The following COL17A1 variants were observed in gnomAD, a reference collection of about 807,000 sequenced individuals.
The protein encoded by COL17A1 is collagen alpha-1(XVII) chain.
COL17A1 carries 181 observed loss-of-function variants against 218.4 expected under a neutral mutation model. The ratio of observed to expected loss-of-function variants is 0.83; its 90% CI spans 0.73 to 0.94. COL17A1 has a LOEUF of 0.94. COL17A1 is among the 40% of genes least tolerant of loss of function. COL17A1 has a pLI of 0.00. For synonymous variants in COL17A1, 721 were observed against 731.0 expected (o/e 0.99, Z 0.22); for missense variants, 1,924 against 1,945.9 (o/e 0.99, Z 0.21).
chr10:104,053,462 G>C (rs2086490136), intron 22 of COL17A1, among the ~76,000 whole-genome samples: 1 of 152,156 alleles, frequency 6.6e-6, no homozygotes, highest in Non-Finnish European at 1.5e-5. Flanking sequence ...CAGCTCAGAG[G>C]TCTTCCCCTT....
At position 104,061,399 on chromosome 10, in the gene COL17A1, A is replaced by T. The variant is rs777795265; in HGVS notation, c.979+6T>A. On this transcript the variant is annotated splice_donor_region_variant and intron_variant, in intron 13 of 55. Transcript: ENST00000648076. ...CTGAACCCTGGCAGCTGGGAGCAGC[A>T]CTCACCGGCGGAGGTGGAAACGCCA... 6.2e-7 allele frequency: 1 copy of T among 1,612,946 alleles called. No homozygotes were observed. Among genetic ancestry groups the T allele is most frequent in the Admixed American group, 1.7e-5 (1 of 59,990 alleles).
intron 45 of COL17A1, among the ~76,000 whole-genome samples, 199 bp downstream of exon 45, chr10:104,038,207 T>G (rs565128001): frequency 6.7e-6 from 1 of 150,122 alleles, no homozygotes; most frequent in African/African-American, 2.5e-5. Flanking sequence ...GGGGAAGACC[T>G]GGGCCTGGAC....
At chr10:104,046,408 G>A (rs1242285078) in intron 32 of COL17A1, among the ~76,000 whole-genome samples, 1 of 152,140 alleles carries the variant, frequency 6.6e-6, no homozygotes, top group East Asian at 1.9e-4. Flanking sequence ...CATGCCAGTG[G>A]GGGAACTTGG....
chr10:104,036,188 G>GTA, intron 48 of COL17A1, among the ~76,000 whole-genome samples: 2 of 290 alleles, frequency 6.9e-3, no homozygotes, highest in East Asian at 0.1. Flanking sequence ...ATGGAAGTGA[G>GTA]TGTGTGTGTG....
At chr10:104,080,584 A>C in intron 2 of COL17A1, 38 bp downstream of exon 2, 1 of 1,606,514 alleles carries the variant, frequency 6.2e-7, no homozygotes, top group Non-Finnish European at 8.5e-7. Flanking sequence ...TTACTTTCAT[A>C]ATAAAACACA....
chr10:104,040,375 G>T lies in COL17A1; in HGVS notation c.2737C>A (p.Pro913Thr). Residue 913 changes from proline to threonine, a missense_variant, in exon 40 of 56, where the codon CCC becomes ACC. By Grantham distance (38) the Pro-to-Thr change is conservative. Coordinates refer to ENST00000648076, the MANE Select transcript of COL17A1 (RefSeq NM_000494.4). ...FLSGPPGPPG[P>T]PGPKGDQGPP... ...CCTTGGTCTCCCTTGGGACCTGGGG[G>T]GCCAGGTGGGCCTGGGGGGCCGGAG... The T allele has an allele frequency of 6.2e-7, 1 of 1,610,888 alleles. No individual in the cohort carries two copies. Among genetic ancestry groups the T allele is most frequent in the Non-Finnish European group, 8.5e-7 (1 of 1,177,058 alleles).
Position 104,064,551 on chromosome 10 carries a change from G to A in COL17A1, c.653C>T (p.Ser218Phe). Residue 218 changes from serine to phenylalanine, a missense_variant, in exon 10 of 56, where the codon TCC becomes TTC. Coordinates refer to ENST00000648076, the MANE Select transcript of COL17A1 (RefSeq NM_000494.4). ...GGGCAGGGTGGAGGACCACACATGG[G>A]AGGGAAGGTTGGCATCCAGGATCGT... Reference protein sequence around the residue: ...DATILDANLPSHVWSSTLPAG... With the variant: ...DATILDANLPFHVWSSTLPAG... 1.2e-6 allele frequency: 2 copies of A among 1,614,078 alleles called. No homozygotes were observed. The highest frequency in any genetic ancestry group is 1.7e-6 in the Non-Finnish European group (2 of 1,180,000).
intron 17 of COL17A1, 48 bp from the exon 18 acceptor site, chr10:104,056,051 C>T: frequency 6.2e-7 from 1 of 1,606,188 alleles, no homozygotes; most frequent in Non-Finnish European, 8.5e-7. Flanking sequence ...CGGTCCTTCG[C>T]CTTCCATACA....
rs958046575 is a variant in COL17A1, at chr10:104,051,377, G to A, written c.2038+104C>T. 10 of 1,426,784 alleles carry A rather than the reference G, an allele frequency of 7.0e-6. No individual in the cohort carries two copies. In the African/African-American group the frequency reaches 1.4e-4, roughly 20 times the overall value. The allele number at this position is 1,426,784 out of a possible 1,614,324, so 88.4% of individuals were successfully genotyped here. ...TGAATTCTATATCTCTAGGAGGCTT[G>A]CTTTATAATTGCTTCTTTGGCTTTA... On this transcript the variant is annotated intron_variant, in intron 25 of 55. Transcript: ENST00000648076.
intron 16 of COL17A1, 43 bp from the exon 17 acceptor site, chr10:104,057,215 C>G: frequency 1.2e-6 from 2 of 1,613,702 alleles, no homozygotes; most frequent in Non-Finnish European, 1.7e-6. Flanking sequence ...CAGGCAGCTC[C>G]TGCCTTTTCC....
intron 28 of COL17A1, 33 bp downstream of exon 28, chr10:104,050,056 A>C: frequency 6.2e-7 from 1 of 1,613,956 alleles, no homozygotes; most frequent in Non-Finnish European, 8.5e-7. Context: ...AAAGTCGTGG[A>C]TAGATTAAAG....
intron 45 of COL17A1, 43 bp from the exon 46 acceptor site, chr10:104,037,816 G>A (rs750084527): frequency 5.6e-6 from 9 of 1,606,986 alleles, no homozygotes; most frequent in Non-Finnish European, 7.6e-6. Flanking sequence ...TGTCCCAAGA[G>A]GACATGTTCT....
chr10:104,067,704 C>T (rs1427097085), intron 9 of COL17A1, among the ~76,000 whole-genome samples: 1 of 152,028 alleles, frequency 6.6e-6, no homozygotes, highest in Non-Finnish European at 1.5e-5. Flanking sequence ...CCGAAGCAAA[C>T]AGCCGAGATA....
chr10:104,036,870 G>C (rs1167701407), intron 47 of COL17A1, among the ~76,000 whole-genome samples, 175 bp downstream of exon 47: 1 of 152,218 alleles, frequency 6.6e-6, no homozygotes, highest in Non-Finnish European at 1.5e-5. Context: ...CCCCTTTCCA[G>C]CCGGTTTGCT....
At chr10:104,068,004 C>T (rs1422363147) in intron 9 of COL17A1, among the ~76,000 whole-genome samples, 2 of 152,018 alleles carry the variant, frequency 1.3e-5, no homozygotes, top group Non-Finnish European at 1.5e-5. Context: ...CCATGTAAGA[C>T]GGGAGATGGG....
chr10:104,043,568 C>A lies in COL17A1; in HGVS notation c.2448G>T (p.Met816Ile). 6.2e-7 allele frequency: 1 copy of A among 1,613,940 alleles called. No individual in the cohort carries two copies. Among genetic ancestry groups the A allele is most frequent in the African/African-American group, 1.3e-5 (1 of 74,990 alleles). The change falls in exon 35 of 56, where the codon ATG (methionine) becomes ATT (isoleucine). Residue 816 changes from methionine to isoleucine, a missense_variant. Physicochemically the swap from Met to Ile is conservative, Grantham distance 10. Transcript: ENST00000648076. ...GTCCTGGGGGGCCTGGGACAGTGAGCATCGATGACCCCTCTGAAAACAGAA... is the reference window on the plus strand; with the variant it reads ...GTCCTGGGGGGCCTGGGACAGTGAGAATCGATGACCCCTCTGAAAACAGAA... Reference protein sequence around the residue: ...GKIVTSEGSSMLTVPGPPGPP... With the variant: ...GKIVTSEGSSILTVPGPPGPP...
intron 11 of COL17A1, among the ~76,000 whole-genome samples, chr10:104,062,695 T>A (rs1237314470): frequency 1.3e-5 from 2 of 152,174 alleles, no homozygotes. Flanking sequence ...GTGGGAACTG[T>A]AAGCTTAGGA....
rs1392218502 is a variant in COL17A1 at position 104,083,748 on chromosome 10, A to G, written c.-12+1975T>C. ...ACATTTGGGTTTAAACCATCACATTATCTTATTCTAATGACACATGAAACA... is the reference window on the plus strand; with the variant it reads ...ACATTTGGGTTTAAACCATCACATTGTCTTATTCTAATGACACATGAAACA... On this transcript the variant is annotated intron_variant, in intron 1 of 55. Coordinates refer to ENST00000648076, the MANE Select transcript of COL17A1 (RefSeq NM_000494.4). Among the ~76,000 whole-genome samples the G allele has an allele frequency of 3.3e-5, 5 of 152,346 alleles. No individual in the cohort carries two copies. In the East Asian group the frequency reaches 5.8e-4, roughly 18 times the overall value.
intron 6 of COL17A1, 38 bp downstream of exon 6, chr10:104,074,146 G>A (rs371083266): frequency 8.4e-5 from 135 of 1,613,718 alleles, no homozygotes; most frequent in East Asian, 4.5e-4. Context: ...CTAGTGCCTC[G>A]TTTGACCATT....
Sources: allele counts gnomAD v4.1 joint callset (sites outside exome capture counted in the v4.1 genomes callset), GRCh38; gene constraint gnomAD v4.1.1; transcripts MANE v1.5; gene names NCBI Gene and HGNC (gene_info 2026-07-23, HGNC 2026-07-21).